The following UBE2E2 variants were observed in gnomAD, a reference collection of about 807,000 sequenced individuals.
UBE2E2 encodes ubiquitin-conjugating enzyme E2 E2.
In UBE2E2, 6 loss-of-function variants were observed where a neutral mutation model predicts 24.7. The observed-to-expected ratio is 0.24, with a 90% confidence interval of 0.13 to 0.48. The LOEUF is 0.48. Ranked by LOEUF, UBE2E2 falls within the 20% of genes least tolerant of loss-of-function variation. UBE2E2 has a pLI of 0.99. For missense variants in UBE2E2, 169 were observed against 245.0 expected, an observed-to-expected ratio of 0.69 and a Z score of 2.07; for synonymous variants, 104 against 83.6, an observed-to-expected ratio of 1.24 and a Z score of -1.33.
At chr3:23,299,443 A>G (rs895515817) in intron 3 of UBE2E2, among the ~76,000 whole-genome samples, 5 of 151,494 alleles carry the variant, frequency 3.3e-5, no homozygotes, top group Non-Finnish European at 5.9e-5. Flanking sequence ...TTCCCTCTAC[A>G]CACTGCTTTG....
At chr3:23,238,596 A>C (rs1305003639) in intron 3 of UBE2E2, among the ~76,000 whole-genome samples, 1 of 152,204 alleles carries the variant, frequency 6.6e-6, no homozygotes, top group Non-Finnish European at 1.5e-5. Flanking sequence ...CAGGTTGAGT[A>C]TCTCTTACCT....
intron 3 of UBE2E2, among the ~76,000 whole-genome samples, chr3:23,468,244 G>A (rs1256754599): frequency 1.3e-5 from 2 of 152,056 alleles, no homozygotes; most frequent in Non-Finnish European, 2.9e-5. Flanking sequence ...AGTCTTTACT[G>A]TTGTTTTCTC....
chr3:23,573,132 G>A (rs913724653), intron 5 of UBE2E2, among the ~76,000 whole-genome samples: 1 of 152,136 alleles, frequency 6.6e-6, no homozygotes, highest in Non-Finnish European at 1.5e-5. Context: ...AATCAGGAGT[G>A]AGTAAAGCAA....
intron 3 of UBE2E2, among the ~76,000 whole-genome samples, chr3:23,267,014 A>C (rs1698067563): frequency 6.6e-6 from 1 of 152,016 alleles, no homozygotes; most frequent in African/African-American, 2.4e-5. Context: ...ACTGAGAACA[A>C]AGACACAACA....
intron 5 of UBE2E2, among the ~76,000 whole-genome samples, chr3:23,582,722 C>G (rs1575723359): frequency 1.3e-5 from 2 of 152,028 alleles, no homozygotes; most frequent in African/African-American, 4.8e-5. Flanking sequence ...TGTTCATGTC[C>G]TTTGCCCACC....
At chr3:23,347,391 A>G (rs140198067) in intron 3 of UBE2E2, among the ~76,000 whole-genome samples, 2 of 152,028 alleles carry the variant, frequency 1.3e-5, no homozygotes, top group Non-Finnish European at 2.9e-5. Flanking sequence ...GGATGAGTTC[A>G]TGTCCTTTGC....
At chr3:23,228,201 T>G (rs1322690314) in intron 3 of UBE2E2, among the ~76,000 whole-genome samples, 1 of 152,208 alleles carries the variant, frequency 6.6e-6, no homozygotes, top group Non-Finnish European at 1.5e-5. Flanking sequence ...AAGAAAATGT[T>G]GAATGGTAAA....
At chr3:23,277,047 GTGTGACCATATCA>G (rs1698389217) in intron 3 of UBE2E2, among the ~76,000 whole-genome samples, 1 of 152,120 alleles carries the variant, frequency 6.6e-6, no homozygotes, top group Non-Finnish European at 1.5e-5. Flanking sequence ...ATAGTAGACG[GTGTGACCATATCA>G]TGTATGCGTT....
chr3:23,482,714 G>A (rs1457980468), intron 3 of UBE2E2, among the ~76,000 whole-genome samples: 1 of 152,056 alleles, frequency 6.6e-6, no homozygotes, highest in African/African-American at 2.4e-5. Context: ...CCACTGCAAA[G>A]TTTTAGGAAA....
intron 3 of UBE2E2, among the ~76,000 whole-genome samples, chr3:23,441,878 C>G (rs1463323710): frequency 2.6e-5 from 4 of 152,086 alleles, no homozygotes; most frequent in African/African-American, 9.7e-5. Flanking sequence ...TCGTTTAAAA[C>G]ACATTTGCTT....
intron 1 of UBE2E2, 46 bp downstream of exon 1, chr3:23,203,510 C>T (rs1186783775): frequency 1.0e-5 from 10 of 972,878 alleles, no homozygotes; most frequent in Non-Finnish European, 1.1e-5. Context: ...CGGGCGTCCT[C>T]CCTCTCGCTG....
chr3:23,549,114 A>G (rs1373619527), intron 5 of UBE2E2, among the ~76,000 whole-genome samples: 3 of 152,250 alleles, frequency 2.0e-5, no homozygotes, highest in Admixed American at 6.5e-5. Context: ...TTAAAGTCCT[A>G]TACTTTGTAA....
At chr3:23,238,869 T>C (rs1697185413) in intron 3 of UBE2E2, among the ~76,000 whole-genome samples, 1 of 152,146 alleles carries the variant, frequency 6.6e-6, no homozygotes, top group Non-Finnish European at 1.5e-5. Context: ...TGTGGCATCA[T>C]GTCAGTGCTG....
At chr3:23,266,206 T>G (rs2125358047) in intron 3 of UBE2E2, among the ~76,000 whole-genome samples, 1 of 152,336 alleles carries the variant, frequency 6.6e-6, no homozygotes, top group Middle Eastern at 3.4e-3. Flanking sequence ...TAGTTGGTTA[T>G]TTTGCTCATT....
At position 23,466,300 on chromosome 3, in the gene UBE2E2, T is replaced by C. The variant is rs1698917413; in HGVS notation, c.228-33308T>C. ...GTACCTGAATAGGCAGGTACACATA[T>C]AAGTGAGATGTGGAAAACAGTGGCC... On this transcript the variant is annotated intron_variant, in intron 3 of 5. Transcript: ENST00000396703. Among the ~76,000 whole-genome samples the C allele has an allele frequency of 2.0e-5, 3 of 152,102 alleles. No homozygotes were observed. The South Asian group carries it at 6.2e-4, about 32-fold the overall frequency.
At chr3:23,573,075 C>T (rs1392323431) in intron 5 of UBE2E2, among the ~76,000 whole-genome samples, 1 of 152,020 alleles carries the variant, frequency 6.6e-6, no homozygotes, top group Non-Finnish European at 1.5e-5. Flanking sequence ...ACGATGAGGA[C>T]TTAATTTACT....
intron 3 of UBE2E2, among the ~76,000 whole-genome samples, chr3:23,444,864 A>G (rs1167050705): frequency 6.6e-6 from 1 of 152,188 alleles, no homozygotes; most frequent in Non-Finnish European, 1.5e-5. Context: ...TGCCATGTTG[A>G]TAGATCAGTT....
chr3:23,393,166 A>G (rs1696981849), intron 3 of UBE2E2, among the ~76,000 whole-genome samples: 1 of 151,872 alleles, frequency 6.6e-6, no homozygotes, highest in Admixed American at 6.6e-5. Flanking sequence ...GATAGCTTGG[A>G]CTAAGGTGGG....
chr3:23,497,521 T>C (rs1172743208), intron 3 of UBE2E2, among the ~76,000 whole-genome samples: 1 of 152,232 alleles, frequency 6.6e-6, no homozygotes, highest in Non-Finnish European at 1.5e-5. Flanking sequence ...TATGCAGTTA[T>C]GATTTAATAC....
Sources: allele counts gnomAD v4.1 joint callset (sites outside exome capture counted in the v4.1 genomes callset), GRCh38; gene constraint gnomAD v4.1.1; transcripts MANE v1.5; gene names NCBI Gene and HGNC (gene_info 2026-07-23, HGNC 2026-07-21).